The following RYR3 variants were observed in gnomAD, a reference collection of about 807,000 sequenced individuals.
RYR3 encodes the protein brain ryanodine receptor-calcium release channel.
Under a neutral mutation model 584.3 loss-of-function variants are expected in RYR3, and 207 were observed. The observed-to-expected ratio is 0.35, with a 90% CI of 0.32 to 0.40. The LOEUF is 0.40. Ranked by LOEUF, RYR3 falls within the 10% of genes least tolerant of loss-of-function variation. The pLI, the probability that RYR3 is intolerant of heterozygous loss-of-function variation, is 1.00. For missense variants in RYR3, 5,616 were observed against 6,089.2 expected (o/e 0.92, Z 2.59); for synonymous variants, 2,416 against 2,248.5 (o/e 1.07, Z -2.11).
At chr15:33,553,151 G>C (rs1368134460) in intron 10 of RYR3, among the ~76,000 whole-genome samples, 2 of 152,138 alleles carry the variant, frequency 1.3e-5, no homozygotes, top group Non-Finnish European at 2.9e-5. Context: ...AGAGGGCGAG[G>C]AAGCAGGGTA....
intron 1 of RYR3, 156 bp from the exon 2 acceptor site, chr15:33,473,262 TA>T: frequency 1.1e-6 from 1 of 875,540 alleles, no homozygotes; most frequent in Non-Finnish European, 1.9e-6. Context: ...GTCCTGTGAA[TA>T]AAAAATCTCC....
At chr15:33,833,017 AAAAAG>A (rs61386111) in intron 86 of RYR3, among the ~76,000 whole-genome samples, 37,655 of 147,336 alleles carry the variant, frequency 0.26, 4,801 homozygotes, top group Middle Eastern at 0.42. Flanking sequence ...AAAAAAAAAA[AAAAAG>A]AGCCAAAGGG....
chr15:33,633,105 A>C lies in RYR3; in HGVS notation c.3024A>C (p.Gln1008His). 1 of 1,611,998 alleles carries C rather than the reference A, an allele frequency of 6.2e-7. No homozygotes were observed. Among genetic ancestry groups the C allele is most frequent in the East Asian group, 2.2e-5 (1 of 44,856 alleles). Residue 1008 changes from glutamine (Q) to histidine (H), a missense_variant, in exon 24 of 104, where the codon CAA becomes CAC. Gln to His is a conservative substitution (Grantham distance 24). Coordinates refer to ENST00000634891, the MANE Select transcript of RYR3 (RefSeq NM_001036.6). ...RIKQGWTYGIQQDLKNKRNPR... is the reference protein window; with the variant it reads ...RIKQGWTYGIHQDLKNKRNPR... ...AACAAGGATGGACCTATGGCATCCA[A>C]CAGGTAAGAAATTCTGGGTCAGGCA... is the stretch of plus-strand genomic sequence containing the variant.
At chr15:33,832,015 C>T (rs1022816627) in intron 86 of RYR3, among the ~76,000 whole-genome samples, 2 of 152,132 alleles carry the variant, frequency 1.3e-5, no homozygotes, top group South Asian at 2.1e-4. Flanking sequence ...ATCATACAGC[C>T]AGATGCGGTG....
intron 1 of RYR3, among the ~76,000 whole-genome samples, chr15:33,446,985 C>A (rs553453298): frequency 1.1e-4 from 16 of 152,344 alleles, no homozygotes; most frequent in South Asian, 2.1e-4. Flanking sequence ...GCAGACTCTT[C>A]TATGCCATTG....
intron 51 of RYR3, among the ~76,000 whole-genome samples, chr15:33,740,491 T>G (rs751594235): frequency 6.6e-6 from 1 of 152,184 alleles, no homozygotes; most frequent in Non-Finnish European, 1.5e-5. Context: ...TGCCGAGGGA[T>G]GCTGGAGCTT....
chr15:33,767,438 T>C (rs1471603169), intron 60 of RYR3, among the ~76,000 whole-genome samples: 2 of 152,236 alleles, frequency 1.3e-5, no homozygotes, highest in Non-Finnish European at 2.9e-5. Context: ...GGGTCCCAAC[T>C]CTTTTCCACT....
chr15:33,817,951 C>G (rs1266535669), intron 75 of RYR3, among the ~76,000 whole-genome samples: 1 of 152,188 alleles, frequency 6.6e-6, no homozygotes, highest in African/African-American at 2.4e-5. Flanking sequence ...TTTCTCTTTC[C>G]ATGAAAAGCG....
intron 48 of RYR3, 41 bp downstream of exon 48, chr15:33,731,735 C>G: frequency 7.5e-7 from 1 of 1,326,992 alleles, no homozygotes; most frequent in Non-Finnish European, 1.1e-6. Flanking sequence ...TGTATGCATC[C>G]AGGTCAACTG....
chr15:33,639,694 G>A (rs1209271492), intron 27 of RYR3, among the ~76,000 whole-genome samples: 1 of 152,156 alleles, frequency 6.6e-6, no homozygotes, highest in Non-Finnish European at 1.5e-5. Flanking sequence ...AAGCAGTGGG[G>A]ACAGATATTG....
Position 33,848,435 on chromosome 15 carries a change from T to C in RYR3, c.13628+14T>C, listed in dbSNP as rs2078863369. The C allele has an allele frequency of 6.2e-7, 1 of 1,600,484 alleles. No homozygotes were observed. ...GATCAACACACCGTGAGTGTCCCTCTACCCCAACCTAAAAAGGAGATGGAG... is the reference window on the plus strand; with the variant it reads ...GATCAACACACCGTGAGTGTCCCTCCACCCCAACCTAAAAAGGAGATGGAG... On this transcript the variant is annotated intron_variant, in intron 94 of 103. Transcript: ENST00000634891.
intron 68 of RYR3, among the ~76,000 whole-genome samples, chr15:33,801,606 C>T (rs1287124484): frequency 7.7e-6 from 1 of 130,502 alleles, no homozygotes; most frequent in East Asian, 2.3e-4. Flanking sequence ...TGTCTTATTA[C>T]TACCAAGAGT....
intron 1 of RYR3, among the ~76,000 whole-genome samples, chr15:33,388,901 TAAG>T (rs1295504081): frequency 6.6e-6 from 1 of 151,792 alleles, no homozygotes; most frequent in African/African-American, 2.4e-5. Context: ...AACGGAGAAT[TAAG>T]AAAATTCTGC....
chr15:33,728,933 C>A lies in RYR3; in HGVS notation c.7110C>A (p.Asp2370Glu), dbSNP rs758040212. ...AGGCACCTATGGTGCTGTTCTTGGACCGCGTTTATGGCATTAAGGATCAAA... is the reference window on the plus strand; with the variant it reads ...AGGCACCTATGGTGCTGTTCTTGGAACGCGTTTATGGCATTAAGGATCAAA... ...DHKAPMVLFL[D>E]RVYGIKDQTF... The change falls in exon 47 of 104, where the codon GAC becomes GAA. Residue 2370 changes from aspartate (D) to glutamate (E), a missense_variant. Transcript: ENST00000634891. 15 of 1,613,666 alleles carry A rather than the reference C, an allele frequency of 9.3e-6. No individual in the cohort carries two copies. The highest frequency in any genetic ancestry group is 1.1e-5 in the Non-Finnish European group (13 of 1,179,824).
chr15:33,757,573 T>C lies in RYR3; in HGVS notation c.8682T>C (p.His2894=). The C allele has an allele frequency of 6.2e-7, 1 of 1,610,944 alleles. No homozygotes were observed. The highest frequency in any genetic ancestry group is 8.5e-7 in the Non-Finnish European group (1 of 1,178,916). The change falls in exon 60 of 104, where the codon CAT becomes CAC. Residue 2894 remains histidine (H), a synonymous_variant. Transcript: ENST00000634891. ...KPLSSSGYAS[H]KEKEMVAGLF... ...TTAGCAGCAGCGGATATGCCTCCCA[T>C]AAGGAGAAAGAAATGGTGGCCGGGT...
At chr15:33,596,271 G>A (rs1047879473) in intron 16 of RYR3, among the ~76,000 whole-genome samples, 4 of 151,418 alleles carry the variant, frequency 2.6e-5, no homozygotes, top group African/African-American at 9.7e-5. Context: ...TACCCAAATA[G>A]TGAAATATCT....
At chr15:33,494,630 A>G (rs2051257704) in intron 2 of RYR3, among the ~76,000 whole-genome samples, 1 of 151,436 alleles carries the variant, frequency 6.6e-6, no homozygotes, top group Admixed American at 6.7e-5. Flanking sequence ...CTTCTTTTAA[A>G]AGATACTGAC....
intron 16 of RYR3, among the ~76,000 whole-genome samples, chr15:33,600,556 G>C (rs1235268066): frequency 6.6e-6 from 1 of 152,036 alleles, no homozygotes; most frequent in Non-Finnish European, 1.5e-5. Context: ...GGCAGACAGA[G>C]ACTGTTTTGC....
chr15:33,513,285 A>G (rs2053204053), intron 3 of RYR3, among the ~76,000 whole-genome samples: 1 of 152,190 alleles, frequency 6.6e-6, no homozygotes, highest in Admixed American at 6.5e-5. Context: ...GCTTAATAAG[A>G]GCACCGATCT....
Sources: gnomAD v4.1 joint callset for allele counts (sites outside exome capture counted in the v4.1 genomes callset) on GRCh38, gnomAD v4.1.1 for gene constraint, MANE v1.5 for transcripts, NCBI Gene and HGNC (gene_info 2026-07-23, HGNC 2026-07-21) for gene names.